ANKRD36B: variants seen among roughly 807,000 people sequenced by gnomAD.
ANKRD36B encodes the protein ankyrin repeat domain 36B.
Under a neutral mutation model 135.7 loss-of-function variants are expected in ANKRD36B, and 37 were observed. That is an observed-to-expected ratio of 0.27 (90% CI 0.21 to 0.36). ANKRD36B has a LOEUF of 0.36. ANKRD36B is among the 10% of genes least tolerant of loss of function. The probability of loss-of-function intolerance (pLI) is 1.00; values close to 1 mark genes in which losing one functional copy is unlikely to be tolerated. For missense variants in ANKRD36B, 549 were observed against 1,037.1 expected, an observed-to-expected ratio of 0.53 and a Z score of 6.46; for synonymous variants, 179 against 348.1, an observed-to-expected ratio of 0.51 and a Z score of 5.41.
Position 97,555,136 on chromosome 2 carries a change from A to C in ANKRD36B, c.1099-4T>G, listed in dbSNP as rs1158997151. 1.2e-6 allele frequency: 2 copies of C among 1,611,954 alleles called. No individual in the cohort carries two copies. The highest frequency in any genetic ancestry group is 2.7e-5 in the African/African-American group (2 of 74,908). On this transcript the variant is annotated splice_region_variant and splice_polypyrimidine_tract_variant and intron_variant, in intron 13 of 43. Coordinates refer to ENST00000359901, the MANE Select transcript of ANKRD36B (RefSeq NM_001393939.1). ...AATCTGTCTTGTCACTTGCAGTCTG[A>C]AAGTAATTTGAAGCAAATTATCAAT...
rs2080965263 is a variant in ANKRD36B, at chr2:97,560,878, T to C, written c.764-18A>G. On this transcript the variant is annotated intron_variant, in intron 6 of 43. Transcript: ENST00000359901. Reference sequence around the variant, plus strand: ...AGGAGACACTGAAAAGCAAAAGGGATACATAATCAATCATATGTAAATATG... The same window carrying C: ...AGGAGACACTGAAAAGCAAAAGGGACACATAATCAATCATATGTAAATATG... The C allele has an allele frequency of 1.9e-6, 3 of 1,550,920 alleles. No individual in the cohort carries two copies. Among genetic ancestry groups the C allele is most frequent in the Admixed American group, 1.8e-5 (1 of 56,168 alleles).
At chr2:97,556,750 T>G (rs2080564809) in intron 12 of ANKRD36B, among the ~76,000 whole-genome samples, 187 bp downstream of exon 12, 1 of 151,904 alleles carries the variant, frequency 6.6e-6, no homozygotes, top group African/African-American at 2.4e-5. Flanking sequence ...TCTATAAGCT[T>G]GTTACTAAGA....
intron 14 of ANKRD36B, among the ~76,000 whole-genome samples, chr2:97,554,738 A>G (rs1209000186): frequency 6.6e-6 from 1 of 151,876 alleles, no homozygotes; most frequent in Admixed American, 6.6e-5. Flanking sequence ...ACTTCAACTC[A>G]TTCTCCTTCC....
At chr2:97,554,915 C>T (rs890333629) in intron 14 of ANKRD36B, 145 bp downstream of exon 14, 11 of 1,091,656 alleles carry the variant, frequency 1.0e-5, no homozygotes, top group South Asian at 4.2e-5. Flanking sequence ...CAGCATCACC[C>T]GAGAACTTAT....
intron 6 of ANKRD36B, among the ~76,000 whole-genome samples, chr2:97,567,506 TATC>T (rs1344809553): frequency 4.6e-5 from 7 of 152,010 alleles, no homozygotes; most frequent in African/African-American, 1.7e-4. Flanking sequence ...ATACAAATGA[TATC>T]ATGTTGGAAA....
In ANKRD36B at chr2:97,530,097, A is replaced by G. The variant is rs1313803508; in HGVS notation, c.2265+2214T>C. 2.3e-4 allele frequency among the ~76,000 whole-genome samples: 22 copies of G among 95,814 alleles called. 5 individuals are homozygous for G. The highest frequency in any genetic ancestry group is 5.3e-4 in the African/African-American group (17 of 31,934). 62.9% of individuals were successfully genotyped at this position (95,814 alleles called of 152,430 possible). On this transcript the variant is annotated intron_variant, in intron 35 of 43. Coordinates refer to ENST00000359901, the MANE Select transcript of ANKRD36B (RefSeq NM_001393939.1). ...ACCAAAAAAGAGCCCGCATCACCAC[A>G]TCAATCCTAAGCCAAAAGAACAAAG... is the stretch of plus-strand genomic sequence containing the variant.
intron 34 of ANKRD36B, among the ~76,000 whole-genome samples, chr2:97,536,052 C>T (rs2078872250): frequency 2.2e-5 from 2 of 89,784 alleles, no homozygotes; most frequent in South Asian, 5.0e-4. Context: ...GCAACAAGAG[C>T]AAAGCTCTGT....
intron 6 of ANKRD36B, among the ~76,000 whole-genome samples, chr2:97,562,678 G>C (rs1439311980): frequency 6.6e-6 from 1 of 151,952 alleles, no homozygotes; most frequent in African/African-American, 2.4e-5. Flanking sequence ...TGGTGGACTT[G>C]ATTCTTTGAC....
chr2:97,545,309 T>C lies in ANKRD36B; in HGVS notation c.1681+357A>G, dbSNP rs2079358449. ...TCACTTTTCCCTCTGTTTATCCCAA[T>C]ACAATCTGACACCTCTAATATCTAT... On this transcript the variant is annotated intron_variant, in intron 24 of 43. Transcript: ENST00000359901. Among the ~76,000 whole-genome samples, 2 of 95,700 alleles carry C rather than the reference T, an allele frequency of 2.1e-5. 1 individual carries two copies. Among genetic ancestry groups the C allele is most frequent in the African/African-American group, 6.2e-5 (2 of 32,184 alleles). 62.8% of individuals were successfully genotyped at this position (95,700 alleles called of 152,430 possible).
chr2:97,566,804 G>A (rs1388012073), intron 6 of ANKRD36B, among the ~76,000 whole-genome samples: 4 of 151,958 alleles, frequency 2.6e-5, no homozygotes, highest in African/African-American at 4.8e-5. Flanking sequence ...CTCTCACACC[G>A]CAACAACAAT....
intron 1 of ANKRD36B, 40 bp from the exon 2 acceptor site, chr2:97,585,438 A>G (rs2082912378): frequency 6.5e-7 from 1 of 1,531,276 alleles, no homozygotes; most frequent in Middle Eastern, 1.7e-4. Flanking sequence ...TGTAACTGTA[A>G]GCATTAATTA....
intron 5 of ANKRD36B, among the ~76,000 whole-genome samples, chr2:97,577,027 TATA>T (rs1451060401): frequency 1.3e-5 from 2 of 152,062 alleles, no homozygotes; most frequent in African/African-American, 4.8e-5. Flanking sequence ...ATTTCTGGCT[TATA>T]ATTCAGTGTA....
intron 35 of ANKRD36B, among the ~76,000 whole-genome samples, chr2:97,529,010 T>C (rs2078400197): frequency 1.0e-5 from 1 of 96,618 alleles, no homozygotes; most frequent in African/African-American, 3.1e-5. Context: ...TCTGAAACTA[T>C]TCCAATCAAT....
chr2:97,547,967 A>T (rs1047448877), intron 20 of ANKRD36B, among the ~76,000 whole-genome samples: 2 of 151,778 alleles, frequency 1.3e-5, no homozygotes, highest in Non-Finnish European at 2.9e-5. Context: ...GTTATATGCC[A>T]AAAACTAAAA....
At chr2:97,559,092 C>T (rs1195421107) in intron 8 of ANKRD36B, 98 bp from the exon 9 acceptor site, 1 of 1,539,212 alleles carries the variant, frequency 6.5e-7, no homozygotes, top group African/African-American at 1.4e-5. Context: ...ATCTTCCTGC[C>T]TGTACTAGTG....
Position 97,539,948 on chromosome 2 carries a change from C to T in ANKRD36B, c.1987+86G>A. 6.5e-6 allele frequency: 4 copies of T among 616,716 alleles called. 1 individual carries two copies. The highest frequency in any genetic ancestry group is 5.9e-5 in the East Asian group (2 of 33,684). The allele number at this position is 616,716 out of a possible 1,614,324, so 38.2% of individuals were successfully genotyped here. On this transcript the variant is annotated intron_variant, in intron 30 of 43. Transcript: ENST00000359901. ...GCAGAATCGGAATGTGCAGCTGCGA[C>T]GAACCCCCCCGCTGATTTATTTGGG...
intron 3 of ANKRD36B, among the ~76,000 whole-genome samples, chr2:97,581,607 C>T (rs1188768661): frequency 6.6e-6 from 1 of 151,600 alleles, no homozygotes; most frequent in African/African-American, 2.4e-5. Flanking sequence ...ATCTTAGGAC[C>T]CTGGTACATA....
intron 4 of ANKRD36B, among the ~76,000 whole-genome samples, chr2:97,580,038 CT>C (rs1174444432): frequency 2.0e-5 from 3 of 152,174 alleles, no homozygotes; most frequent in Admixed American, 2.0e-4. Context: ...TTTTTTCCCC[CT>C]CCCCATATCA....
chr2:97,585,231 C>T, intron 2 of ANKRD36B, 53 bp downstream of exon 2: 2 of 1,561,260 alleles, frequency 1.3e-6, no homozygotes, highest in Non-Finnish European at 1.7e-6. Flanking sequence ...TCATTTTATC[C>T]TATGTACTTC....
Sources: gnomAD v4.1 joint callset for allele counts (sites outside exome capture counted in the v4.1 genomes callset) on GRCh38, gnomAD v4.1.1 for gene constraint, MANE v1.5 for transcripts, NCBI Gene and HGNC (gene_info 2026-07-23, HGNC 2026-07-21) for gene names.